Variants in SV2B observed in about 807,000 individuals in gnomAD.
SV2B encodes the protein synaptic vesicle glycoprotein 2B, also known as solute carrier family 22 member B2.
SV2B carries 41 observed loss-of-function variants against 73.9 expected under a neutral mutation model. The observed-to-expected ratio is 0.56, with a 90% confidence interval of 0.43 to 0.72. The LOEUF (loss-of-function observed/expected upper bound fraction) is 0.72. SV2B is among the 30% of genes least tolerant of loss of function. The pLI is 0.00. For missense variants in SV2B, 764 were observed against 857.8 expected (o/e 0.89, Z 1.37); for synonymous variants, 314 against 314.2 (o/e 1.00, Z 0.01).
chr15:91,122,463 C>T lies in SV2B; in HGVS notation c.-392+22100C>T, dbSNP rs1366349705. ...CTCCTGCTGGGTTGACTCTCTGATC[C>T]CTATGCCTTGTAAGCCATTTGGACA... is the stretch of plus-strand genomic sequence containing the variant. On this transcript the variant is annotated intron_variant, in intron 1 of 12. Coordinates refer to ENST00000394232, the MANE Select transcript of SV2B (RefSeq NM_001323032.3). The surrounding 1 kb of genome is among the most constrained non-coding windows in gnomAD (Gnocchi z 4.3). 2.0e-5 allele frequency among the ~76,000 whole-genome samples: 3 copies of T among 152,170 alleles called. No individual in the cohort carries two copies. The highest frequency in any genetic ancestry group is 2.0e-4 in the Admixed American group (3 of 15,288).
chr15:91,154,698 A>T (rs1178468386), intron 1 of SV2B, among the ~76,000 whole-genome samples: 1 of 152,192 alleles, frequency 6.6e-6, no homozygotes, highest in African/African-American at 2.4e-5. Flanking sequence ...CAGAGGGAAG[A>T]TGGCCACGTG....
chr15:91,119,194 G>A (rs1028303180), intron 1 of SV2B, among the ~76,000 whole-genome samples: 3 of 152,214 alleles, frequency 2.0e-5, no homozygotes, highest in Non-Finnish European at 4.4e-5. Context: ...CCAACGGTAG[G>A]AGCTATCTTT....
chr15:91,260,098 G>A (rs774865543), intron 5 of SV2B, among the ~76,000 whole-genome samples: 2 of 152,148 alleles, frequency 1.3e-5, no homozygotes, highest in Non-Finnish European at 2.9e-5. Flanking sequence ...TTTACACCTT[G>A]AAAGCACAAC....
chr15:91,161,594 A>G (rs947189042), intron 1 of SV2B, among the ~76,000 whole-genome samples: 2 of 152,232 alleles, frequency 1.3e-5, no homozygotes, highest in Non-Finnish European at 2.9e-5. Flanking sequence ...ATTTCTCACA[A>G]CAACACTGGG....
intron 9 of SV2B, among the ~76,000 whole-genome samples, chr15:91,271,112 G>T (rs796364346): frequency 8.3e-4 from 115 of 139,250 alleles, no homozygotes; most frequent in Middle Eastern, 3.9e-3. Flanking sequence ...GTGGATGATG[G>T]GTGGATGGTG....
rs1473380060 is a variant in SV2B at position 91,297,850 on chromosome 15, C to T, written c.*5298C>T. 1 of 152,252 alleles carries T rather than the reference C, an allele frequency of 6.6e-6. No individual in the cohort carries two copies. Among genetic ancestry groups the T allele is most frequent in the Admixed American group, 6.5e-5 (1 of 15,282 alleles). The allele number at this position is 152,252 out of a possible 1,614,324, so 9.4% of individuals were successfully genotyped here. A position where few individuals can be genotyped will look rare whatever the true frequency, so the allele number is the denominator to read the frequency against. ...TCACTCAGGTCCTGTCCTTATGGGC[C>T]TGTGTCTGGTTGCAGGGCTTGAAGT... On this transcript the variant is annotated 3_prime_UTR_variant, in exon 13 of 13. Coordinates refer to ENST00000394232, the MANE Select transcript of SV2B (RefSeq NM_001323032.3). The surrounding 1 kb of genome is among the most constrained non-coding windows in gnomAD (Gnocchi z 5.1).
chr15:91,179,559 C>T (rs9672442), intron 1 of SV2B, among the ~76,000 whole-genome samples: 55,992 of 151,494 alleles, frequency 0.37, 10,808 homozygotes, highest in East Asian at 0.7. Context: ...AGGACTTGCT[C>T]TATGAATCTG....
Position 91,141,264 on chromosome 15 carries a change from G to A in SV2B, c.-392+40901G>A, listed in dbSNP as rs1429767958. Among the ~76,000 whole-genome samples the A allele has an allele frequency of 6.6e-6, 1 of 152,188 alleles. No homozygotes were observed. The highest frequency in any genetic ancestry group is 2.4e-5 in the African/African-American group (1 of 41,434). ...TGTACAGCTTGAGTTGGGAACTGCC[G>A]ATGCTGAGTTAGAGCTATTCTAGCA... On this transcript the variant is annotated intron_variant, in intron 1 of 12. Transcript: ENST00000394232. This position sits in a 1 kb window ranked among gnomAD's most constrained non-coding sequence, Gnocchi z 4.6.
At chr15:91,199,439 C>T (rs2285528) in intron 1 of SV2B, among the ~76,000 whole-genome samples, 87,155 of 151,906 alleles carry the variant, frequency 0.57, 25,386 homozygotes, top group East Asian at 0.78. Context: ...CACGAGGTCT[C>T]CTTTCTCCCT....
At chr15:91,170,852 T>G (rs1202941764) in intron 1 of SV2B, among the ~76,000 whole-genome samples, 1 of 113,932 alleles carries the variant, frequency 8.8e-6, no homozygotes. Flanking sequence ...TGTATTTAGG[T>G]TTTTTTTTTT....
chr15:91,258,961 G>A lies in SV2B; in HGVS notation c.918+407G>A, dbSNP rs575134635. ...AAAAAAATTAGTTGAGCGATTTGGT[G>A]CGTGCATGCCTGTGGTCCCATCTAC... On this transcript the variant is annotated intron_variant, in intron 5 of 12. Transcript: ENST00000394232. This position sits in a 1 kb window ranked among gnomAD's most constrained non-coding sequence, Gnocchi z 4.7. Among the ~76,000 whole-genome samples the A allele has an allele frequency of 5.9e-5, 9 of 151,660 alleles. No individual in the cohort carries two copies. Among genetic ancestry groups the A allele is most frequent in the African/African-American group, 1.7e-4 (7 of 41,336 alleles).
At position 91,132,119 on chromosome 15, in the gene SV2B, C is replaced by T. The variant is rs532912481; in HGVS notation, c.-392+31756C>T. Among the ~76,000 whole-genome samples, 3 of 152,262 alleles carry T rather than the reference C, an allele frequency of 2.0e-5. No individual in the cohort carries two copies. Among genetic ancestry groups the T allele is most frequent in the Non-Finnish European group, 2.9e-5 (2 of 68,020 alleles). On this transcript the variant is annotated intron_variant, in intron 1 of 12. Transcript: ENST00000394232. This position sits in a 1 kb window ranked among gnomAD's most constrained non-coding sequence, Gnocchi z 4.6. Reference sequence around the variant, plus strand: ...AAGAAAGAATGAAGCATCAAAAGAACGAAAGCAGGTATTTATCGAAAATGA... The same window carrying T: ...AAGAAAGAATGAAGCATCAAAAGAATGAAAGCAGGTATTTATCGAAAATGA...
chr15:91,180,046 A>G (rs1397330953), intron 1 of SV2B, among the ~76,000 whole-genome samples: 3 of 151,242 alleles, frequency 2.0e-5, no homozygotes, highest in Non-Finnish European at 4.4e-5. Context: ...GTTCCTTTCC[A>G]TGTTTAGTGC....
intron 1 of SV2B, among the ~76,000 whole-genome samples, chr15:91,138,355 T>A (rs1246546073): frequency 6.6e-6 from 1 of 152,224 alleles, no homozygotes; most frequent in Admixed American, 6.5e-5. Flanking sequence ...TTATAACTAA[T>A]TTAAATTTAA....
At position 91,137,656 on chromosome 15, in the gene SV2B, C is replaced by CAT. The variant is rs2042882154; in HGVS notation, c.-392+37299_-392+37300dup. 6.9e-6 allele frequency among the ~76,000 whole-genome samples: 1 copy of CAT among 144,314 alleles called. No individual in the cohort carries two copies. 94.7% of individuals were successfully genotyped at this position (144,314 alleles called of 152,430 possible). A position where few individuals can be genotyped will look rare whatever the true frequency, so the allele number is the denominator to read the frequency against. On this transcript the variant is annotated intron_variant, in intron 1 of 12. Transcript: ENST00000394232. This position sits in a 1 kb window ranked among gnomAD's most constrained non-coding sequence, Gnocchi z 4.9. The stretch of plus-strand genomic sequence containing the variant: ...ATATTTCATATATACATATATATTT[C>CAT]ATATATACATATATTTCATATATAT...
chr15:91,199,004 A>C (rs1193690848), intron 1 of SV2B, among the ~76,000 whole-genome samples: 1 of 152,186 alleles, frequency 6.6e-6, no homozygotes, highest in East Asian at 1.9e-4. Flanking sequence ...TAAATACTTA[A>C]AACTTAAAAA....
rs937381090 is a variant in SV2B, at chr15:91,132,954, G to C, written c.-392+32591G>C. ...GGCCAGTGCATAATAAGGGCTAAAA[G>C]ACTAAAGACTATTGGGCATCTGTTG... On this transcript the variant is annotated intron_variant, in intron 1 of 12. Coordinates refer to ENST00000394232, the MANE Select transcript of SV2B (RefSeq NM_001323032.3). This position sits in a 1 kb window ranked among gnomAD's most constrained non-coding sequence, Gnocchi z 4.6. Among the ~76,000 whole-genome samples the C allele has an allele frequency of 2.0e-5, 3 of 152,230 alleles. No individual in the cohort carries two copies. The highest frequency in any genetic ancestry group is 2.9e-5 in the Non-Finnish European group (2 of 68,042).
At chr15:91,222,530 C>T (rs868787699) in intron 1 of SV2B, among the ~76,000 whole-genome samples, 2 of 152,094 alleles carry the variant, frequency 1.3e-5, no homozygotes, top group South Asian at 2.1e-4. Flanking sequence ...ATCAAGATCC[C>T]AGGACATGTT....
chr15:91,267,805 C>CT lies in SV2B; in HGVS notation c.1208+178dup, dbSNP rs56033749. The stretch of plus-strand genomic sequence containing the variant: ...TCTAGTGGCTTCTACAAAGAAGAAA[C>CT]TTTTTTTTTTTTTTTTGAGACAGAG... On this transcript the variant is annotated intron_variant, in intron 8 of 12. Coordinates refer to ENST00000394232, the MANE Select transcript of SV2B (RefSeq NM_001323032.3). This position sits in a 1 kb window ranked among gnomAD's most constrained non-coding sequence, Gnocchi z 4.3. Among the ~76,000 whole-genome samples the CT allele has an allele frequency of 0.24, 34,430 of 141,806 alleles. 4,373 individuals carry two copies. The highest frequency in any genetic ancestry group is 0.32 in the Middle Eastern group (86 of 272). 93.0% of individuals were successfully genotyped at this position (141,806 alleles called of 152,430 possible).
Sources: gnomAD v4.1 joint callset for allele counts (sites outside exome capture counted in the v4.1 genomes callset) on GRCh38, gnomAD v4.1.1 for gene constraint, Gnocchi (gnomAD v3.1) non-coding constraint, MANE v1.5 for transcripts, NCBI Gene and HGNC (gene_info 2026-07-23, HGNC 2026-07-21) for gene names.